Variants in PIK3IP1 observed in about 807,000 individuals in gnomAD.
PIK3IP1 encodes the protein phosphoinositide-3-kinase interacting protein 1.
PIK3IP1 carries 28 observed loss-of-function variants against 30.7 expected under a neutral mutation model. That is an observed-to-expected ratio of 0.91 (90% CI 0.68 to 1.25). PIK3IP1 has a LOEUF of 1.25. Ranked by LOEUF, PIK3IP1 falls within the 50% of genes most tolerant of loss-of-function variation. PIK3IP1 has a pLI of 0.00. For missense variants in PIK3IP1, 333 were observed against 346.2 expected (o/e 0.96, Z 0.30); for synonymous variants, 159 against 140.8 (o/e 1.13, Z -0.91).
intron 3 of PIK3IP1, chr22:31,289,975 G>C (rs2049161327): frequency 2.7e-6 from 1 of 375,122 alleles, no homozygotes; most frequent in Admixed American, 4.2e-5. Context: ...ATTTCCCAAG[G>C]CCCCTCTCGG....
In PIK3IP1 at chr22:31,281,896, G is replaced by C. The variant is rs1167194328; in HGVS notation, c.*1188C>G. 1 of 152,660 alleles carries C rather than the reference G, an allele frequency of 6.6e-6. No homozygotes were observed. The highest frequency in any genetic ancestry group is 1.9e-4 in the East Asian group (1 of 5,190). 9.5% of individuals were successfully genotyped at this position (152,660 alleles called of 1,614,324 possible). A position where few individuals can be genotyped will look rare whatever the true frequency, so the allele number is the denominator to read the frequency against. On this transcript the variant is annotated 3_prime_UTR_variant, in exon 6 of 6. Coordinates refer to ENST00000215912, the MANE Select transcript of PIK3IP1 (RefSeq NM_052880.5). ...AAGGCCTCTTGAGTGTGACATCACA[G>C]GTTAGAGGCCCTGCTGAGCTGCTAG...
intron 5 of PIK3IP1, among the ~76,000 whole-genome samples, chr22:31,286,818 A>G (rs753296600): frequency 6.6e-6 from 1 of 152,152 alleles, no homozygotes; most frequent in Non-Finnish European, 1.5e-5. Context: ...CTGCTTATGA[A>G]TTGTAAGGCC....
At position 31,291,166 on chromosome 22, in the gene PIK3IP1, C is replaced by T. The variant is rs779013640; in HGVS notation, c.187+14G>A. 6.5e-7 allele frequency: 1 copy of T among 1,542,186 alleles called. No homozygotes were observed. The highest frequency in any genetic ancestry group is 8.7e-7 in the Non-Finnish European group (1 of 1,143,792). On this transcript the variant is annotated intron_variant, in intron 2 of 5. Transcript: ENST00000215912. Reference sequence around the variant, plus strand: ...GCCCGCCAGCCCCGGGGCCGTCCCCCGGAGGACACTTACCCGACACGGGGG... The same window carrying T: ...GCCCGCCAGCCCCGGGGCCGTCCCCTGGAGGACACTTACCCGACACGGGGG...
chr22:31,291,314 C>T lies in PIK3IP1; in HGVS notation c.71-18G>A, dbSNP rs888515795. The T allele has an allele frequency of 1.7e-5, 27 of 1,553,858 alleles. No homozygotes were observed. The highest frequency in any genetic ancestry group is 2.1e-5 in the Non-Finnish European group (24 of 1,148,744). On this transcript the variant is annotated intron_variant, in intron 1 of 5. Coordinates refer to ENST00000215912, the MANE Select transcript of PIK3IP1 (RefSeq NM_052880.5). ...GAAACAGCCTGTGAGGAAAAGAAGC[C>T]CCCGGACACAGAATAGCGGGCAGCG...
chr22:31,291,964 A>G (rs2049184086), intron 1 of PIK3IP1, among the ~76,000 whole-genome samples: 1 of 152,182 alleles, frequency 6.6e-6, no homozygotes, highest in Non-Finnish European at 1.5e-5. Context: ...GAGGCTGGGG[A>G]AGGAGGACCA....
intron 1 of PIK3IP1, 47 bp from the exon 2 acceptor site, chr22:31,291,343 G>C: frequency 6.6e-7 from 1 of 1,526,162 alleles, no homozygotes; most frequent in Non-Finnish European, 8.9e-7. Flanking sequence ...GGCAGCGAAC[G>C]GAAGACGCCC....
Position 31,290,937 on chromosome 22 carries a change from G to A in PIK3IP1, c.307+28C>T, listed in dbSNP as rs191721373. 8.2e-5 allele frequency: 126 copies of A among 1,543,790 alleles called. 1 individual carries two copies. The highest frequency in any genetic ancestry group is 1.0e-4 in the Non-Finnish European group (117 of 1,150,448). ...GCCGCTTCCTGTCAGCGCCAGGAGC[G>A]GGGATTCCCGGGGTCCCGGGCAGGT... On this transcript the variant is annotated intron_variant, in intron 3 of 5. Coordinates refer to ENST00000215912, the MANE Select transcript of PIK3IP1 (RefSeq NM_052880.5).
intron 1 of PIK3IP1, among the ~76,000 whole-genome samples, chr22:31,291,575 C>A (rs541919877): frequency 6.6e-6 from 1 of 151,090 alleles, no homozygotes; most frequent in Admixed American, 6.6e-5. Context: ...ATTTTTGAAA[C>A]CTGGAAAGCG....
intron 5 of PIK3IP1, among the ~76,000 whole-genome samples, chr22:31,287,230 G>A (rs1331055802): frequency 6.6e-6 from 1 of 151,112 alleles, no homozygotes; most frequent in East Asian, 1.9e-4. Context: ...TGTTGCCCAT[G>A]CTGGTCTCGA....
chr22:31,284,912 C>T (rs2049119883), intron 5 of PIK3IP1, among the ~76,000 whole-genome samples: 1 of 152,040 alleles, frequency 6.6e-6, no homozygotes, highest in Admixed American at 6.5e-5. Flanking sequence ...GGTGCCTGCC[C>T]ACCCATCCCA....
In PIK3IP1 at chr22:31,291,049, C is replaced by T. The variant is rs371543643; in HGVS notation, c.223G>A (p.Glu75Lys). The change falls in exon 3 of 6, where the codon GAG becomes AAG. Residue 75 changes from glutamate to lysine, a missense_variant. By Grantham distance (56) the Glu-to-Lys change is moderately conservative. Around this residue, in one of 3 missense-constraint regions of PIK3IP1, gnomAD observed 111 missense variants for 100.1 expected, o/e 1.11. Transcript: ENST00000215912. ...GNHSYCRNPD[E>K]DPRGPWCYVS... ...TAGCACCAGGGCCCGCGCGGGTCCT[C>T]GTCCGGGTTTCGGCAGTAACTGTGA... 11 of 1,568,938 alleles carry T rather than the reference C, an allele frequency of 7.0e-6. No homozygotes were observed. The highest frequency in any genetic ancestry group is 5.8e-5 in the South Asian group (5 of 86,360).
intron 5 of PIK3IP1, among the ~76,000 whole-genome samples, chr22:31,285,531 C>T (rs2049124538): frequency 6.6e-6 from 1 of 152,172 alleles, no homozygotes; most frequent in Admixed American, 6.5e-5. Flanking sequence ...GGGAGTATCA[C>T]CATATCTAAC....
At chr22:31,290,163 CG>C (rs1169394628) in intron 3 of PIK3IP1, 1 of 153,948 alleles carries the variant, frequency 6.5e-6, no homozygotes, top group Non-Finnish European at 1.5e-5. Flanking sequence ...GCCAGACGGT[CG>C]GATCACCTGA....
intron 3 of PIK3IP1, 56 bp from the exon 4 acceptor site, chr22:31,289,755 A>G (rs1233758477): frequency 6.5e-7 from 1 of 1,533,244 alleles, no homozygotes; most frequent in Admixed American, 2.0e-5. Context: ...TGAATTCCAC[A>G]GCTGAACCTG....
At chr22:31,287,842 C>T (rs917507302) in intron 5 of PIK3IP1, among the ~76,000 whole-genome samples, 1 of 152,104 alleles carries the variant, frequency 6.6e-6, no homozygotes, top group Non-Finnish European at 1.5e-5. Flanking sequence ...ATAATCCCCT[C>T]TTGCCTCAGT....
chr22:31,290,709 G>A, intron 3 of PIK3IP1: 2 of 468,918 alleles, frequency 4.3e-6, no homozygotes, highest in East Asian at 3.9e-5. Flanking sequence ...AGGACGCGCG[G>A]CGGAGAGACC....
At chr22:31,287,763 G>A (rs1436997888) in intron 5 of PIK3IP1, among the ~76,000 whole-genome samples, 2 of 152,098 alleles carry the variant, frequency 1.3e-5, no homozygotes, top group African/African-American at 2.4e-5. Flanking sequence ...TTTGCCCAGG[G>A]TCACAGAGAT....
In PIK3IP1 at chr22:31,282,874, G is replaced by A; in HGVS notation, c.*210C>T. On this transcript the variant is annotated 3_prime_UTR_variant, in exon 6 of 6. Coordinates refer to ENST00000215912, the MANE Select transcript of PIK3IP1 (RefSeq NM_052880.5). The stretch of plus-strand genomic sequence containing the variant: ...CATCCACAGACAAAATCTGCTCCAA[G>A]GGATGGACAAGGAGCACTGTTAGGA... 1.8e-6 allele frequency: 1 copy of A among 543,296 alleles called. No individual in the cohort carries two copies. Among genetic ancestry groups the A allele is most frequent in the South Asian group, 2.4e-5 (1 of 41,702 alleles). The allele number at this position is 543,296 out of a possible 1,614,324, so 33.7% of individuals were successfully genotyped here. A position where few individuals can be genotyped will look rare whatever the true frequency, so the allele number is the denominator to read the frequency against.
In PIK3IP1 at chr22:31,285,314, C is replaced by T. The variant is rs143327450; in HGVS notation, c.588-2026G>A. Among the ~76,000 whole-genome samples, 884 of 152,314 alleles carry T rather than the reference C, an allele frequency of 5.8e-3. 11 individuals carry two copies. Among genetic ancestry groups the T allele is most frequent in the African/African-American group, 0.02 (851 of 41,562 alleles). On this transcript the variant is annotated intron_variant, in intron 5 of 5. Coordinates refer to ENST00000215912, the MANE Select transcript of PIK3IP1 (RefSeq NM_052880.5). ...CCTACTGTATGCTGCCTCCAACTTC[C>T]TCTCCCAGGCTATAGAACACCAATT...
Sources: gnomAD v4.1 joint callset for allele counts (sites outside exome capture counted in the v4.1 genomes callset) on GRCh38, gnomAD v4.1.1 for gene constraint, gnomAD v4.1.1 regional missense constraint, MANE v1.5 for transcripts, NCBI Gene and HGNC (gene_info 2026-07-23, HGNC 2026-07-21) for gene names.